Variants in GRM7 observed in about 807,000 individuals in gnomAD.
GRM7 encodes the protein metabotropic glutamate receptor 7.
A neutral mutation model predicts 84.5 loss-of-function variants in GRM7; 35 were observed. That is an observed-to-expected ratio of 0.41 (90% confidence interval 0.32 to 0.55). The LOEUF (loss-of-function observed/expected upper bound fraction) is 0.55, where lower values mean the gene tolerates loss of function less well. GRM7 is among the 20% of genes least tolerant of loss of function. The pLI is 0.19. For synonymous variants in GRM7, 487 were observed against 455.1 expected (o/e 1.07, Z -0.89); for missense variants, 1,003 against 1,194.6 (o/e 0.84, Z 2.36).
At chr3:7,092,609 G>T (rs533938984) in intron 1 of GRM7, among the ~76,000 whole-genome samples, 1 of 146,448 alleles carries the variant, frequency 6.8e-6, no homozygotes, top group Non-Finnish European at 1.5e-5. Flanking sequence ...TTGGGGGGGG[G>T]GCAATTTAGA....
intron 2 of GRM7, among the ~76,000 whole-genome samples, chr3:7,182,881 G>A (rs1328144173): frequency 3.4e-5 from 5 of 147,738 alleles, no homozygotes; most frequent in South Asian, 2.2e-4. Flanking sequence ...TAGGTTTTAG[G>A]CGTAACGTGA....
chr3:7,123,969 A>C (rs557128234), intron 1 of GRM7, among the ~76,000 whole-genome samples: 1 of 152,080 alleles, frequency 6.6e-6, no homozygotes, highest in African/African-American at 2.4e-5. Context: ...CCTTTGCCTA[A>C]TTATATTCCC....
chr3:7,242,858 C>T (rs887631692), intron 2 of GRM7, among the ~76,000 whole-genome samples: 2 of 152,094 alleles, frequency 1.3e-5, no homozygotes, highest in African/African-American at 4.8e-5. Flanking sequence ...GTTTCCCCTC[C>T]TGGCTGAACA....
chr3:7,501,695 G>GGTT (rs1350112830), intron 7 of GRM7, among the ~76,000 whole-genome samples: 9 of 152,196 alleles, frequency 5.9e-5, no homozygotes, highest in Admixed American at 2.0e-4. Context: ...GATTCCTATA[G>GGTT]GTTGTTCATA....
intron 4 of GRM7, among the ~76,000 whole-genome samples, chr3:7,381,599 C>T (rs756443047): frequency 2.0e-5 from 3 of 152,018 alleles, no homozygotes; most frequent in Admixed American, 6.6e-5. Context: ...GCCGCCTGAC[C>T]GTATTGAAGT....
intron 4 of GRM7, among the ~76,000 whole-genome samples, chr3:7,392,150 T>C (rs1166456075): frequency 1.3e-5 from 2 of 151,274 alleles, no homozygotes; most frequent in Non-Finnish European, 3.0e-5. Context: ...TGTGCTTCCC[T>C]TCTGCCTCTC....
chr3:7,160,730 G>A (rs1312037437), intron 2 of GRM7, among the ~76,000 whole-genome samples: 2 of 152,124 alleles, frequency 1.3e-5, no homozygotes, highest in African/African-American at 4.8e-5. Context: ...GGTAAACTGG[G>A]AGAGCAAGTA....
chr3:7,718,409 G>A (rs570780035), intron 9 of GRM7, among the ~76,000 whole-genome samples: 1 of 152,130 alleles, frequency 6.6e-6, no homozygotes, highest in South Asian at 2.1e-4. Flanking sequence ...GTTTATAAAG[G>A]GTTTAGGTAT....
chr3:6,919,352 C>T (rs947436063), intron 1 of GRM7, among the ~76,000 whole-genome samples: 3 of 147,358 alleles, frequency 2.0e-5, no homozygotes, highest in African/African-American at 7.6e-5. Context: ...GTGCCCACCA[C>T]CATGCCTGGC....
At chr3:7,387,088 CA>C (rs1694814541) in intron 4 of GRM7, among the ~76,000 whole-genome samples, 1 of 152,046 alleles carries the variant, frequency 6.6e-6, no homozygotes. Flanking sequence ...AGACATTTCT[CA>C]AAAGAAGTCC....
chr3:7,600,355 A>C (rs893256708), intron 8 of GRM7, among the ~76,000 whole-genome samples: 1 of 152,132 alleles, frequency 6.6e-6, no homozygotes, highest in South Asian at 2.1e-4. Flanking sequence ...TTTAGATCCC[A>C]GGGGTTGAGG....
chr3:7,584,255 C>T (rs187277495), intron 8 of GRM7, among the ~76,000 whole-genome samples: 48 of 152,290 alleles, frequency 3.2e-4, no homozygotes, highest in South Asian at 2.7e-3. Flanking sequence ...TGCAAATTTT[C>T]GAACAATGTG....
At chr3:7,506,209 G>A (rs1165807917) in intron 7 of GRM7, among the ~76,000 whole-genome samples, 1 of 152,050 alleles carries the variant, frequency 6.6e-6, no homozygotes, top group East Asian at 1.9e-4. Flanking sequence ...GTGGAGGAGG[G>A]GGTCTTAATT....
intron 7 of GRM7, among the ~76,000 whole-genome samples, chr3:7,558,351 G>A (rs140339912): frequency 1.1e-4 from 15 of 138,170 alleles, no homozygotes; most frequent in Admixed American, 2.9e-4. Context: ...GATATACTAC[G>A]GTGAAATAAA....
At chr3:7,119,584 A>G (rs1693152245) in intron 1 of GRM7, among the ~76,000 whole-genome samples, 1 of 152,170 alleles carries the variant, frequency 6.6e-6, no homozygotes. Flanking sequence ...TAAAGTGAGT[A>G]CTTTCAATGA....
intron 1 of GRM7, among the ~76,000 whole-genome samples, chr3:6,879,121 C>T (rs1339053197): frequency 1.3e-5 from 2 of 152,070 alleles, no homozygotes; most frequent in African/African-American, 2.4e-5. Context: ...ATTGAACTAC[C>T]TCATTTAATA....
At chr3:7,134,193 G>T (rs1419972485) in intron 1 of GRM7, among the ~76,000 whole-genome samples, 1 of 152,114 alleles carries the variant, frequency 6.6e-6, no homozygotes, top group East Asian at 1.9e-4. Context: ...TAGAGAAACA[G>T]TCCTGAGGAG....
chr3:6,939,289 G>A (rs541341), intron 1 of GRM7, among the ~76,000 whole-genome samples: 65,547 of 151,940 alleles, frequency 0.43, 14,381 homozygotes, highest in Non-Finnish European at 0.49. Context: ...GAGTCATGTG[G>A]TAGTGATTCA....
chr3:7,359,220 T>TGTGTGTGTGTG (rs1693552341), intron 4 of GRM7, among the ~76,000 whole-genome samples: 2 of 133,176 alleles, frequency 1.5e-5, no homozygotes, highest in African/African-American at 3.0e-5. Context: ...GTGTTTGTGT[T>TGTGTGTGTGTG]TGTGTGTGTG....
Sources: gnomAD v4.1 joint callset for allele counts (sites outside exome capture counted in the v4.1 genomes callset) on GRCh38, gnomAD v4.1.1 for gene constraint, MANE v1.5 for transcripts, NCBI Gene and HGNC (gene_info 2026-07-23, HGNC 2026-07-21) for gene names.